FLYWCH1: variants seen among roughly 807,000 people sequenced by gnomAD.
The protein encoded by FLYWCH1 is FLYWCH-type zinc finger 1.
In FLYWCH1, 75 loss-of-function variants were observed where a neutral mutation model predicts 66.4. That is an observed-to-expected ratio of 1.13 (90% CI 0.94 to 1.37). The LOEUF (loss-of-function observed/expected upper bound fraction) is 1.37, where lower values mean the gene tolerates loss of function less well. FLYWCH1 is among the 40% of genes most tolerant of loss of function. The pLI is 0.00. For missense variants in FLYWCH1, 1,334 were observed against 1,001.8 expected, an observed-to-expected ratio of 1.33 and a Z score of -4.48; for synonymous variants, 595 against 429.9, an observed-to-expected ratio of 1.38 and a Z score of -4.75.
chr16:2,948,875 C>G lies in FLYWCH1; in HGVS notation c.*148C>G, dbSNP rs779780126. ...TGGTCTTCGCGTCTCCTCAGGAGGT[C>G]TCCCAGGAGGAATTCTTGGATGGTG... On this transcript the variant is annotated 3_prime_UTR_variant, in exon 10 of 10. Coordinates refer to ENST00000253928, the MANE Select transcript of FLYWCH1 (RefSeq NM_001308068.2). 4.5e-6 allele frequency: 3 copies of G among 669,734 alleles called. No individual in the cohort carries two copies. Among genetic ancestry groups the G allele is most frequent in the South Asian group, 1.8e-5 (1 of 56,702 alleles). The allele number at this position is 669,734 out of a possible 1,614,324, so 41.5% of individuals were successfully genotyped here. A position where few individuals can be genotyped will look rare whatever the true frequency, so the allele number is the denominator to read the frequency against.
intron 2 of FLYWCH1, among the ~76,000 whole-genome samples, chr16:2,918,107 G>A (rs1284759968): frequency 1.3e-5 from 2 of 150,546 alleles, no homozygotes; most frequent in East Asian, 3.9e-4. Context: ...CCAAAGTGCT[G>A]GAATTAGAGG....
chr16:2,949,048 T>A lies in FLYWCH1; in HGVS notation c.*321T>A. ...CCCTGCTGTACGGCCACAGCACCCCTGGGTTTGCAGAGCACGCAGCCTTCC... is the reference window on the plus strand; with the variant it reads ...CCCTGCTGTACGGCCACAGCACCCCAGGGTTTGCAGAGCACGCAGCCTTCC... On this transcript the variant is annotated 3_prime_UTR_variant, in exon 10 of 10. Coordinates refer to ENST00000253928, the MANE Select transcript of FLYWCH1 (RefSeq NM_001308068.2). 2 of 405,480 alleles carry A rather than the reference T, an allele frequency of 4.9e-6. No individual in the cohort carries two copies. Among genetic ancestry groups the A allele is most frequent in the South Asian group, 4.6e-5 (2 of 43,024 alleles). The allele number at this position is 405,480 out of a possible 1,614,324, so 25.1% of individuals were successfully genotyped here.
rs375529753 is a variant in FLYWCH1, at chr16:2,933,847, C to T, written c.1381C>T (p.Arg461Cys). The stretch of plus-strand genomic sequence containing the variant: ...CCGGGACCAGGCCCGCATGGGCTGC[C>T]GCAGCCGCGCCATCACCCAGGGCCG... ...TCRDQARMGC[R>C]SRAITQGRRV... Residue 461 changes from arginine to cysteine, a missense_variant, in exon 6 of 10, where the codon CGC becomes TGC. Transcript: ENST00000253928. 63 of 1,607,286 alleles carry T rather than the reference C, an allele frequency of 3.9e-5. No homozygotes were observed. The highest frequency in any genetic ancestry group is 2.0e-4 in the African/African-American group (15 of 74,778).
intron 4 of FLYWCH1, 140 bp from the exon 5 acceptor site, chr16:2,932,990 A>T: frequency 2.8e-6 from 2 of 723,846 alleles, no homozygotes; most frequent in Non-Finnish European, 4.5e-6. Context: ...GGGGCCTCTG[A>T]CATATCTGGC....
intron 8 of FLYWCH1, among the ~76,000 whole-genome samples, chr16:2,939,198 C>G (rs769614735): frequency 6.6e-6 from 1 of 152,198 alleles, no homozygotes; most frequent in Non-Finnish European, 1.5e-5. Flanking sequence ...GTAATCCCAG[C>G]ACTTTGGGAG....
chr16:2,928,149 G>T (rs2070638048), intron 2 of FLYWCH1, among the ~76,000 whole-genome samples: 1 of 152,208 alleles, frequency 6.6e-6, no homozygotes, highest in East Asian at 1.9e-4. Flanking sequence ...CTTGCCTCCA[G>T]CCACAGGGTG....
chr16:2,942,034 A>T (rs570680426), intron 9 of FLYWCH1, among the ~76,000 whole-genome samples: 111 of 151,442 alleles, frequency 7.3e-4, no homozygotes, highest in African/African-American at 2.6e-3. Flanking sequence ...CTGAAGCAGA[A>T]GGAAGGAAAT....
Position 2,938,976 on chromosome 16 carries a change from T to C in FLYWCH1, c.2050+520T>C, listed in dbSNP as rs529192495. Among the ~76,000 whole-genome samples, 5 of 150,512 alleles carry C rather than the reference T, an allele frequency of 3.3e-5. No homozygotes were observed. In the South Asian group the frequency reaches 1.1e-3, roughly 32 times the overall value. ...AGGCTGGAGTGCAATGGAGCCATCT[T>C]GGCTCACTGCAACCTCTGCCTCCTG... On this transcript the variant is annotated intron_variant, in intron 8 of 9. Transcript: ENST00000253928.
intron 6 of FLYWCH1, chr16:2,934,604 C>T (rs899121954): frequency 8.8e-6 from 4 of 456,216 alleles, no homozygotes; most frequent in African/African-American, 4.0e-5. Context: ...GCTCTTCCTT[C>T]ACGCCCCAAG....
At chr16:2,940,326 C>A (rs915530339) in intron 9 of FLYWCH1, among the ~76,000 whole-genome samples, 1 of 152,142 alleles carries the variant, frequency 6.6e-6, no homozygotes. Flanking sequence ...CTCCTTGGGC[C>A]CACTTGAGCA....
At chr16:2,927,034 A>G (rs2070591907) in intron 2 of FLYWCH1, among the ~76,000 whole-genome samples, 1 of 152,252 alleles carries the variant, frequency 6.6e-6, no homozygotes, top group Non-Finnish European at 1.5e-5. Context: ...CCATTAGCTT[A>G]TCAATACTGG....
chr16:2,948,463 T>A (rs534493743), intron 9 of FLYWCH1, among the ~76,000 whole-genome samples: 64 of 152,052 alleles, frequency 4.2e-4, no homozygotes, highest in African/African-American at 1.4e-3. Context: ...CTCAGGAGGC[T>A]GAGGTGGGAG....
intron 2 of FLYWCH1, among the ~76,000 whole-genome samples, chr16:2,926,359 C>A (rs985373655): frequency 6.6e-5 from 10 of 152,288 alleles, no homozygotes; most frequent in Admixed American, 5.2e-4. Flanking sequence ...GCTTTAGAAC[C>A]GTTTCAAACA....
chr16:2,916,995 A>AAT (rs986890505), intron 2 of FLYWCH1, among the ~76,000 whole-genome samples: 1 of 150,932 alleles, frequency 6.6e-6, no homozygotes, highest in African/African-American at 2.4e-5. Flanking sequence ...AAAAAAAAAA[A>AAT]AATAACAAAA....
rs771544282 is a variant in FLYWCH1 at position 2,948,798 on chromosome 16, C to T, written c.*71C>T. ...TCACATCCACACAGGCACTTCCCAT[C>T]CACCTAGGTTTGGCTTAGCAGAAAC... On this transcript the variant is annotated 3_prime_UTR_variant, in exon 10 of 10. Transcript: ENST00000253928. 7.0e-7 allele frequency: 1 copy of T among 1,418,630 alleles called. No homozygotes were observed. The highest frequency in any genetic ancestry group is 1.4e-5 in the African/African-American group (1 of 70,894). 87.9% of individuals were successfully genotyped at this position (1,418,630 alleles called of 1,614,324 possible).
intron 2 of FLYWCH1, chr16:2,922,818 C>T (rs1471119314): frequency 1.9e-6 from 1 of 523,528 alleles, no homozygotes; most frequent in Non-Finnish European, 3.8e-6. Flanking sequence ...TGCTTGTTGG[C>T]TTTAACATCC....
intron 9 of FLYWCH1, among the ~76,000 whole-genome samples, chr16:2,943,148 T>C (rs1170886330): frequency 6.6e-6 from 1 of 152,146 alleles, no homozygotes; most frequent in Admixed American, 6.6e-5. Context: ...GGTGACCATA[T>C]TCAGTCACGC....
At chr16:2,931,938 CCT>C (rs574036597) in intron 4 of FLYWCH1, among the ~76,000 whole-genome samples, 156 of 152,154 alleles carry the variant, frequency 1.0e-3, no homozygotes, top group African/African-American at 3.4e-3. Flanking sequence ...ACAGTGAAAC[CCT>C]GTCTCTACTA....
intron 9 of FLYWCH1, among the ~76,000 whole-genome samples, chr16:2,942,526 G>T (rs1240380837): frequency 6.6e-6 from 1 of 152,038 alleles, no homozygotes; most frequent in African/African-American, 2.4e-5. Flanking sequence ...CTACAGACCA[G>T]TATTTCTTAG....
Sources: allele counts gnomAD v4.1 joint callset (sites outside exome capture counted in the v4.1 genomes callset), GRCh38; gene constraint gnomAD v4.1.1; transcripts MANE v1.5; gene names NCBI Gene and HGNC (gene_info 2026-07-23, HGNC 2026-07-21).